RAB11FIP3: variants seen among roughly 807,000 people sequenced by gnomAD.
RAB11FIP3 encodes RAB11 family interacting protein 3.
A neutral mutation model predicts 77.8 loss-of-function variants in RAB11FIP3; 17 were observed. The observed-to-expected ratio is 0.22, with a 90% CI of 0.15 to 0.33. The LOEUF (loss-of-function observed/expected upper bound fraction) is 0.33. RAB11FIP3 is among the 10% of genes least tolerant of loss of function. The probability of loss-of-function intolerance (pLI) is 1.00; values close to 1 mark genes in which losing one functional copy is unlikely to be tolerated. For missense variants in RAB11FIP3, 1,005 were observed against 1,011.2 expected (o/e 0.99, Z 0.08); for synonymous variants, 437 against 448.2 (o/e 0.98, Z 0.31).
chr16:506,289 A>G lies in RAB11FIP3; in HGVS notation c.1499+662A>G, dbSNP rs1378171497. Among the ~76,000 whole-genome samples the G allele has an allele frequency of 1.3e-5, 2 of 152,050 alleles. No homozygotes were observed. Among genetic ancestry groups the G allele is most frequent in the African/African-American group, 2.4e-5 (1 of 41,394 alleles). ...GATTTGCAGGACTGTTTCCGGTGCAAAGTAAGATGAGCTTGTCCCAGGAGT... is the reference window on the plus strand; with the variant it reads ...GATTTGCAGGACTGTTTCCGGTGCAGAGTAAGATGAGCTTGTCCCAGGAGT... On this transcript the variant is annotated intron_variant, in intron 8 of 13. Coordinates refer to ENST00000262305, the MANE Select transcript of RAB11FIP3 (RefSeq NM_014700.4). This position sits in a 1 kb window ranked among gnomAD's most constrained non-coding sequence, Gnocchi z 4.5.
chr16:434,072 A>G (rs2141845664), intron 1 of RAB11FIP3, among the ~76,000 whole-genome samples: 1 of 152,148 alleles, frequency 6.6e-6, no homozygotes, highest in South Asian at 2.1e-4. Context: ...GTTGACCTAA[A>G]TTTTTTGAAA....
chr16:458,182 G>A (rs1419920981), intron 1 of RAB11FIP3, among the ~76,000 whole-genome samples: 1 of 152,248 alleles, frequency 6.6e-6, no homozygotes, highest in African/African-American at 2.4e-5. Flanking sequence ...CCAGCCACGG[G>A]GGCCCGGGCC....
rs558049538 is a variant in RAB11FIP3 at position 520,659 on chromosome 16, G to A, written c.2157+60G>A. On this transcript the variant is annotated intron_variant, in intron 13 of 13. Transcript: ENST00000262305. ...GGTCCACAGTCTGCACTGTCTGTGC[G>A]CTGTGGTTTATGCGCTGTGGCCTGT... 5.4e-5 allele frequency: 87 copies of A among 1,610,280 alleles called. No homozygotes were observed. The African/African-American group carries it at 8.1e-4, about 15-fold the overall frequency.
intron 1 of RAB11FIP3, among the ~76,000 whole-genome samples, chr16:436,018 A>G (rs1264902352): frequency 2.6e-5 from 4 of 152,124 alleles, no homozygotes. Context: ...AAAAAAAGAG[A>G]TGGGATCATT....
chr16:490,478 T>A (rs189179832), intron 5 of RAB11FIP3, among the ~76,000 whole-genome samples: 1 of 152,312 alleles, frequency 6.6e-6, no homozygotes, highest in Admixed American at 6.5e-5. Flanking sequence ...TAGCTGGGAC[T>A]ACAGGTATGA....
chr16:497,351 C>G (rs888865363), intron 6 of RAB11FIP3: 1 of 1,303,536 alleles, frequency 7.7e-7, no homozygotes, highest in Non-Finnish European at 1.0e-6. Flanking sequence ...TTTTATCTTC[C>G]TCCCCTGCCA....
At chr16:485,342 G>T (rs1043370031) in intron 4 of RAB11FIP3, among the ~76,000 whole-genome samples, 2 of 152,148 alleles carry the variant, frequency 1.3e-5, no homozygotes, top group African/African-American at 4.8e-5. Context: ...AGTCCCTTAT[G>T]GGGTGTGGGT....
At chr16:508,740 C>T (rs1325793727) in intron 8 of RAB11FIP3, among the ~76,000 whole-genome samples, 1 of 152,226 alleles carries the variant, frequency 6.6e-6, no homozygotes, top group African/African-American at 2.4e-5. Flanking sequence ...GAAGTTATTT[C>T]ACCATGCGGC....
intron 11 of RAB11FIP3, 53 bp from the exon 12 acceptor site, chr16:520,069 C>T (rs2032606921): frequency 9.1e-6 from 14 of 1,538,566 alleles, no homozygotes; most frequent in South Asian, 6.0e-5. Context: ...TGATGGCTGA[C>T]GGTGGCCCCT....
At chr16:482,441 A>G (rs1159532193) in intron 3 of RAB11FIP3, 84 bp from the exon 4 acceptor site, 4 of 1,302,008 alleles carry the variant, frequency 3.1e-6, no homozygotes, top group Non-Finnish European at 4.5e-6. Context: ...TGCCCTCTCC[A>G]GGGCCTTGCA....
chr16:491,799 T>C (rs906951276), intron 5 of RAB11FIP3, among the ~76,000 whole-genome samples: 5 of 152,184 alleles, frequency 3.3e-5, no homozygotes, highest in African/African-American at 1.2e-4. Context: ...GACGTGCCCG[T>C]TGGGCATCGT....
chr16:515,833 G>A (rs747729961), intron 9 of RAB11FIP3, among the ~76,000 whole-genome samples: 4 of 152,214 alleles, frequency 2.6e-5, no homozygotes, highest in Non-Finnish European at 5.9e-5. Context: ...ACCAGGAACC[G>A]TGGAAGTTGG....
At chr16:519,965 G>A (rs1045408197) in intron 11 of RAB11FIP3, 74 bp downstream of exon 11, 4 of 1,524,844 alleles carry the variant, frequency 2.6e-6, no homozygotes, top group African/African-American at 2.8e-5. Flanking sequence ...TTCCTGAGAC[G>A]CTAGCTCTTG....
intron 9 of RAB11FIP3, among the ~76,000 whole-genome samples, chr16:511,490 C>T: frequency 8.4e-6 from 1 of 118,958 alleles, no homozygotes; most frequent in Admixed American, 8.4e-5. Flanking sequence ...AGGAGAAGTT[C>T]CCCGACGGCC....
At chr16:502,760 G>GA in intron 6 of RAB11FIP3, 1 of 548,778 alleles carries the variant, frequency 1.8e-6, no homozygotes, top group East Asian at 3.3e-5. Context: ...AGAGCGCCAG[G>GA]AAGACTCTGA....
chr16:433,603 C>G (rs1372818795), intron 1 of RAB11FIP3, among the ~76,000 whole-genome samples: 1 of 151,658 alleles, frequency 6.6e-6, no homozygotes, highest in African/African-American at 2.4e-5. Flanking sequence ...AATCTCAGCA[C>G]TTTGGAAGGC....
intron 4 of RAB11FIP3, among the ~76,000 whole-genome samples, chr16:487,286 AC>A (rs957218867): frequency 6.6e-6 from 1 of 151,248 alleles, no homozygotes; most frequent in African/African-American, 2.4e-5. Context: ...ACCCGCCACC[AC>A]CCCCAGGTAA....
intron 1 of RAB11FIP3, among the ~76,000 whole-genome samples, chr16:438,675 T>A (rs532780588): frequency 6.8e-6 from 1 of 148,100 alleles, no homozygotes; most frequent in Non-Finnish European, 1.5e-5. Context: ...TGAGCCAATG[T>A]GTCTGGCCTT....
At chr16:466,185 G>T (rs1046724473) in intron 2 of RAB11FIP3, among the ~76,000 whole-genome samples, 1 of 152,168 alleles carries the variant, frequency 6.6e-6, no homozygotes, top group African/African-American at 2.4e-5. Flanking sequence ...GCAGCCTGCA[G>T]GAGATTTGGG....
Sources: gnomAD v4.1 joint callset for allele counts (sites outside exome capture counted in the v4.1 genomes callset) on GRCh38, gnomAD v4.1.1 for gene constraint, Gnocchi (gnomAD v3.1) non-coding constraint, MANE v1.5 for transcripts, NCBI Gene and HGNC (gene_info 2026-07-23, HGNC 2026-07-21) for gene names.